SMAD6: variants seen among roughly 807,000 people sequenced by gnomAD.
SMAD6 encodes SMAD family member 6.
Under a neutral mutation model 39.4 loss-of-function variants are expected in SMAD6, and 103 were observed. That is an observed-to-expected ratio of 2.62 (90% confidence interval 2.23 to 3.08). The LOEUF is 3.08. Among genes scored for constraint, SMAD6 ranks in the 30% most tolerant of loss-of-function variants. The pLI is 0.00. For missense variants in SMAD6, 1,104 were observed against 742.9 expected, an observed-to-expected ratio of 1.49 and a Z score of -5.65; for synonymous variants, 445 against 353.3, an observed-to-expected ratio of 1.26 and a Z score of -2.91.
chr15:66,773,642 C>T (rs541335572), intron 3 of SMAD6, among the ~76,000 whole-genome samples: 80 of 152,150 alleles, frequency 5.3e-4, no homozygotes, highest in Middle Eastern at 6.8e-3. Flanking sequence ...GAAAAGCTGC[C>T]GGTTGGACTG....
At chr15:66,733,916 A>G (rs1398582551) in intron 3 of SMAD6, among the ~76,000 whole-genome samples, 2 of 152,308 alleles carry the variant, frequency 1.3e-5, no homozygotes, top group Admixed American at 1.3e-4. Flanking sequence ...AGTCCTTGTC[A>G]TGGGGAATCC....
chr15:66,703,178 C>T lies in SMAD6; in HGVS notation c.-81C>T. ...GCTTCATGTGGGGCTGCGACCCGCG[C>T]AGCCGGCGCCTCGCTGAGGGAACGG... On this transcript the variant is annotated 5_prime_UTR_variant, in exon 1 of 4. An upstream open reading frame in the 5' UTR gains an earlier in-frame stop. Coordinates refer to ENST00000288840, the MANE Select transcript of SMAD6 (RefSeq NM_005585.5). 9.1e-7 allele frequency: 1 copy of T among 1,100,704 alleles called. No homozygotes were observed. The highest frequency in any genetic ancestry group is 2.4e-5 in the South Asian group (1 of 41,090). The allele number at this position is 1,100,704 out of a possible 1,614,324, so 68.2% of individuals were successfully genotyped here.
intron 3 of SMAD6, among the ~76,000 whole-genome samples, chr15:66,758,774 G>A (rs1043755628): frequency 6.6e-6 from 1 of 151,860 alleles, no homozygotes; most frequent in Admixed American, 6.6e-5. Context: ...TTGTCTTTAT[G>A]CATCCAGCTA....
chr15:66,739,806 T>G (rs1053904222), intron 3 of SMAD6, among the ~76,000 whole-genome samples: 1 of 151,890 alleles, frequency 6.6e-6, no homozygotes, highest in Non-Finnish European at 1.5e-5. Context: ...AAAAGAAAAA[T>G]TTTAATTAGT....
At chr15:66,717,472 C>T in intron 3 of SMAD6, 2 of 454,460 alleles carry the variant, frequency 4.4e-6, no homozygotes, top group South Asian at 1.5e-5. Context: ...TGCTCTTCAT[C>T]ACTGTTTTGT....
chr15:66,754,818 A>G (rs1417126785), intron 3 of SMAD6, among the ~76,000 whole-genome samples: 1 of 152,174 alleles, frequency 6.6e-6, no homozygotes, highest in Non-Finnish European at 1.5e-5. Flanking sequence ...AGTGAAAAGG[A>G]CAGAATGAGG....
intron 3 of SMAD6, among the ~76,000 whole-genome samples, chr15:66,735,864 G>A (rs533960680): frequency 3.3e-5 from 5 of 152,296 alleles, no homozygotes; most frequent in South Asian, 2.1e-4. Context: ...CAATTCTCCC[G>A]ATAAAGGGAC....
chr15:66,716,131 C>T (rs889332512), intron 2 of SMAD6, among the ~76,000 whole-genome samples: 11 of 152,308 alleles, frequency 7.2e-5, no homozygotes, highest in Admixed American at 1.3e-4. Context: ...GCTACTTGCT[C>T]GGTCCCCTGA....
chr15:66,727,298 T>A (rs1412465638), intron 3 of SMAD6, among the ~76,000 whole-genome samples: 1 of 152,134 alleles, frequency 6.6e-6, no homozygotes, highest in Non-Finnish European at 1.5e-5. Context: ...AGATGGGGTT[T>A]CACCATGTTG....
At chr15:66,756,804 T>C (rs1328294734) in intron 3 of SMAD6, among the ~76,000 whole-genome samples, 1 of 152,364 alleles carries the variant, frequency 6.6e-6, no homozygotes, top group Non-Finnish European at 1.5e-5. Context: ...CAGCATGAGC[T>C]GTGTCCTCTG....
chr15:66,744,961 C>T (rs936459918), intron 3 of SMAD6, among the ~76,000 whole-genome samples: 1 of 152,086 alleles, frequency 6.6e-6, no homozygotes, highest in Non-Finnish European at 1.5e-5. Flanking sequence ...AATCTGGGTG[C>T]CTGTGGTCAA....
chr15:66,703,836 A>G lies in SMAD6; in HGVS notation c.578A>G (p.Glu193Gly). Residue 193 changes from glutamate to glycine, a missense_variant, in exon 1 of 4, where the codon GAG (glutamate) becomes GGG (glycine). Physicochemically the swap from Glu to Gly is moderately conservative, Grantham distance 98 (BLOSUM62 -2). Coordinates refer to ENST00000288840, the MANE Select transcript of SMAD6 (RefSeq NM_005585.5). ...GAGCGCTCGCTGGACACGCTGCTGG[A>G]GGCGGTGGAGTCCCGCGGCGGCGTG... ...LKERSLDTLL[E>G]AVESRGGVPG... is the part of the protein sequence containing the mutation. The G allele has an allele frequency of 7.2e-7, 1 of 1,395,790 alleles. No homozygotes were observed. Among genetic ancestry groups the G allele is most frequent in the Non-Finnish European group, 9.4e-7 (1 of 1,063,236 alleles). The allele number at this position is 1,395,790 out of a possible 1,614,324, so 86.5% of individuals were successfully genotyped here. A position where few individuals can be genotyped will look rare whatever the true frequency, so the allele number is the denominator to read the frequency against.
intron 3 of SMAD6, among the ~76,000 whole-genome samples, chr15:66,727,294 G>T (rs1893539956): frequency 1.3e-5 from 2 of 152,036 alleles, no homozygotes; most frequent in Non-Finnish European, 1.5e-5. Context: ...GTAGAGATGG[G>T]GTTTCACCAT....
intron 3 of SMAD6, among the ~76,000 whole-genome samples, chr15:66,773,024 C>CT (rs1202194621): frequency 6.6e-6 from 1 of 152,230 alleles, no homozygotes; most frequent in Non-Finnish European, 1.5e-5. Context: ...CCCCAGCCGA[C>CT]TAGCTGAGCA....
At chr15:66,737,299 G>C (rs1042948379) in intron 3 of SMAD6, among the ~76,000 whole-genome samples, 1 of 152,200 alleles carries the variant, frequency 6.6e-6, no homozygotes, top group African/African-American at 2.4e-5. Flanking sequence ...GGCTCCTCCT[G>C]TTCCTTCTGA....
At chr15:66,727,748 C>G (rs935030450) in intron 3 of SMAD6, among the ~76,000 whole-genome samples, 1 of 152,144 alleles carries the variant, frequency 6.6e-6, no homozygotes, top group African/African-American at 2.4e-5. Flanking sequence ...TATATGGCCC[C>G]AAAGTGTAGA....
chr15:66,767,004 T>C (rs1180445119), intron 3 of SMAD6, among the ~76,000 whole-genome samples: 1 of 152,202 alleles, frequency 6.6e-6, no homozygotes, highest in Non-Finnish European at 1.5e-5. Context: ...CAGTGTGTGC[T>C]CTTATCCAGA....
At position 66,702,932 on chromosome 15, in the gene SMAD6, T is replaced by G; in HGVS notation, c.-327T>G. ...AGGCTCGCCGGCCCATGTGGGGTCT[T>G]TCTGGCGGCGCGCCGCCTGCAGCCC... On this transcript the variant is annotated 5_prime_UTR_variant, in exon 1 of 4. Coordinates refer to ENST00000288840, the MANE Select transcript of SMAD6 (RefSeq NM_005585.5). 9 of 225,934 alleles carry G rather than the reference T, an allele frequency of 4.0e-5. No homozygotes were observed. The highest frequency in any genetic ancestry group is 8.4e-5 in the East Asian group (1 of 11,916). The allele number at this position is 225,934 out of a possible 1,614,324, so 14.0% of individuals were successfully genotyped here. A position where few individuals can be genotyped will look rare whatever the true frequency, so the allele number is the denominator to read the frequency against.
chr15:66,746,263 G>A (rs1893906306), intron 3 of SMAD6, among the ~76,000 whole-genome samples: 1 of 152,228 alleles, frequency 6.6e-6, no homozygotes, highest in East Asian at 1.9e-4. Context: ...TGTGAAGCGG[G>A]AGTTTTCTGG....
Sources: gnomAD v4.1 joint callset for allele counts (sites outside exome capture counted in the v4.1 genomes callset) on GRCh38, gnomAD v4.1.1 for gene constraint, MANE v1.5 for transcripts, NCBI Gene and HGNC (gene_info 2026-07-23, HGNC 2026-07-21) for gene names.